TEC: variants seen among roughly 807,000 people sequenced by gnomAD.
The protein encoded by TEC is tec protein tyrosine kinase.
Under a neutral mutation model 93.0 loss-of-function variants are expected in TEC, and 72 were observed. That is an observed-to-expected ratio of 0.77 (90% CI 0.64 to 0.94). The LOEUF (loss-of-function observed/expected upper bound fraction) is 0.94, where lower values mean the gene tolerates loss of function less well. Among genes scored for constraint, TEC ranks in the 40% least tolerant of loss-of-function variants. The pLI is 0.00. For missense variants in TEC, 630 were observed against 757.9 expected, an observed-to-expected ratio of 0.83 and a Z score of 1.98; for synonymous variants, 249 against 247.7, an observed-to-expected ratio of 1.01 and a Z score of -0.05.
intron 9 of TEC, chr4:48,155,937 A>G (rs2109524337): frequency 6.6e-6 from 1 of 152,364 alleles, no homozygotes; most frequent in South Asian, 2.1e-4. Flanking sequence ...TGAGTAAAGT[A>G]TACTTTTGAG....
chr4:48,240,941 C>T (rs1334584296), intron 1 of TEC, among the ~76,000 whole-genome samples: 1 of 151,684 alleles, frequency 6.6e-6, no homozygotes, highest in Non-Finnish European at 1.5e-5. Flanking sequence ...CCATTACATA[C>T]CTGATCCCTA....
chr4:48,181,926 T>C (rs1443526684), intron 2 of TEC, among the ~76,000 whole-genome samples: 3 of 152,314 alleles, frequency 2.0e-5, no homozygotes, highest in Admixed American at 6.5e-5. Flanking sequence ...TAGACTATTC[T>C]TTAGAATTTC....
intron 8 of TEC, among the ~76,000 whole-genome samples, chr4:48,161,119 C>A (rs1355829423): frequency 6.6e-6 from 1 of 152,062 alleles, no homozygotes; most frequent in Non-Finnish European, 1.5e-5. Flanking sequence ...GGCATTTCAT[C>A]TTTTAACCCG....
chr4:48,166,250 C>T (rs989276184), intron 7 of TEC, among the ~76,000 whole-genome samples: 2 of 152,114 alleles, frequency 1.3e-5, no homozygotes, highest in African/African-American at 4.8e-5. Context: ...AGGTAGCCCC[C>T]CCAGAGCCAG....
intron 2 of TEC, among the ~76,000 whole-genome samples, chr4:48,188,012 G>A (rs964809690): frequency 6.6e-6 from 1 of 151,778 alleles, no homozygotes; most frequent in African/African-American, 2.4e-5. Context: ...CTTAAGTGAG[G>A]CCATAAGACT....
chr4:48,143,995 C>CACTTGGG (rs1719794182), intron 14 of TEC, among the ~76,000 whole-genome samples: 2 of 152,142 alleles, frequency 1.3e-5, no homozygotes, highest in Non-Finnish European at 2.9e-5. Context: ...GAGGCTGAGG[C>CACTTGGG]AGGCAGATTG....
intron 2 of TEC, among the ~76,000 whole-genome samples, chr4:48,197,987 C>T (rs2109590973): frequency 6.6e-6 from 1 of 152,328 alleles, no homozygotes; most frequent in South Asian, 2.1e-4. Context: ...CTGCCAATTC[C>T]CACATGCATT....
At chr4:48,152,500 A>T (rs1046619510) in intron 9 of TEC, among the ~76,000 whole-genome samples, 6 of 152,118 alleles carry the variant, frequency 3.9e-5, no homozygotes, top group African/African-American at 1.4e-4. Context: ...CAACCCACTT[A>T]TTTATCGAAA....
intron 14 of TEC, 134 bp downstream of exon 14, chr4:48,144,945 T>C: frequency 1.3e-6 from 1 of 753,162 alleles, no homozygotes; most frequent in South Asian, 1.7e-5. Flanking sequence ...CAAGTTAAAT[T>C]TACCAACTTT....
chr4:48,237,426 A>G (rs1442202048), intron 1 of TEC, among the ~76,000 whole-genome samples: 1 of 152,194 alleles, frequency 6.6e-6, no homozygotes, highest in Non-Finnish European at 1.5e-5. Flanking sequence ...TTTTAAGTCA[A>G]GAGAACAGAG....
Position 48,199,451 on chromosome 4 carries a change from CTTTCTT to C in TEC, c.139-23271_139-23266del, listed in dbSNP as rs1257235494. On this transcript the variant is annotated intron_variant, in intron 2 of 17. Coordinates refer to ENST00000381501, the MANE Select transcript of TEC (RefSeq NM_003215.3). ...CAGTCTGGGCTACAGAAAGGATTTT[CTTTCTT>C]TTTTTTTTTTTTTTTTTTTTTTTTT... is the stretch of plus-strand genomic sequence containing the variant. Among the ~76,000 whole-genome samples, 737 of 74,126 alleles carry C rather than the reference CTTTCTT, an allele frequency of 9.9e-3. 6 individuals are homozygous for C. The highest frequency in any genetic ancestry group is 0.017 in the Non-Finnish European group (595 of 35,396). The allele number at this position is 74,126 out of a possible 152,430, so 48.6% of individuals were successfully genotyped here.
At chr4:48,225,519 T>C (rs1003422851) in intron 2 of TEC, among the ~76,000 whole-genome samples, 2 of 151,926 alleles carry the variant, frequency 1.3e-5, no homozygotes, top group East Asian at 1.9e-4. Flanking sequence ...GATAGGGAGA[T>C]GGAAATCAGA....
At chr4:48,172,634 T>C (rs560427181) in intron 3 of TEC, among the ~76,000 whole-genome samples, 1 of 145,782 alleles carries the variant, frequency 6.9e-6, no homozygotes, top group African/African-American at 2.5e-5. Flanking sequence ...GTGAACACCA[T>C]AGAACAAATG....
In TEC at chr4:48,176,164, A is replaced by G. The variant is rs1320770850; in HGVS notation, c.161T>C (p.Ile54Thr). 4 of 1,612,500 alleles carry G rather than the reference A, an allele frequency of 2.5e-6. No homozygotes were observed. The highest frequency in any genetic ancestry group is 2.5e-6 in the Non-Finnish European group (3 of 1,178,880). ...RAEKKYRKGF[I>T]DVSKIKCVEI... is the part of the protein sequence containing the mutation. ...CACACACTTGATTTTTGAAACATCA[A>G]TAAACCCCTTTCTGTATTTCTTCTG... The change falls in exon 3 of 18, where the codon ATT becomes ACT. Residue 54 changes from isoleucine (I) to threonine (T), a missense_variant. By Grantham distance (89) the Ile-to-Thr change is moderately conservative (BLOSUM62 -1). This residue lies in a region of TEC where 335 missense variants were observed against 351.5 expected (regional missense o/e 0.95). Coordinates refer to ENST00000381501, the MANE Select transcript of TEC (RefSeq NM_003215.3).
intron 14 of TEC, among the ~76,000 whole-genome samples, chr4:48,142,402 G>A (rs1401000470): frequency 6.6e-6 from 1 of 152,134 alleles, no homozygotes; most frequent in African/African-American, 2.4e-5. Context: ...GAACCCATGA[G>A]GTGGAGGTTG....
At chr4:48,149,770 C>G in intron 10 of TEC, 80 bp from the exon 11 acceptor site, 1 of 1,404,798 alleles carries the variant, frequency 7.1e-7, no homozygotes, top group East Asian at 2.4e-5. Context: ...ACAAGGGCAA[C>G]CACAGTGTCT....
At position 48,138,892 on chromosome 4, in the gene TEC, CA is replaced by C. The variant is rs761600685; in HGVS notation, c.1654+11del. 7 of 1,613,972 alleles carry C rather than the reference CA, an allele frequency of 4.3e-6. No homozygotes were observed. Among genetic ancestry groups the C allele is most frequent in the Non-Finnish European group, 5.9e-6 (7 of 1,179,936 alleles). ...CTCAGGGCGGACGGACATGAGGAAA[CA>C]TGGATCTTACCAAATGACCAGACAT... is the stretch of plus-strand genomic sequence containing the variant. On this transcript the variant is annotated intron_variant, in intron 16 of 17. Transcript: ENST00000381501.
chr4:48,260,049 A>G (rs1015536990), intron 1 of TEC, among the ~76,000 whole-genome samples: 5 of 152,190 alleles, frequency 3.3e-5, no homozygotes, highest in African/African-American at 4.8e-5. Flanking sequence ...ATAGACATCC[A>G]ATAAGATGAA....
At chr4:48,159,244 C>A (rs1023180471) in intron 8 of TEC, among the ~76,000 whole-genome samples, 10 of 152,184 alleles carry the variant, frequency 6.6e-5, no homozygotes, top group Non-Finnish European at 1.2e-4. Flanking sequence ...CATGGTCCTG[C>A]AGGCTGTACA....
Sources: gnomAD v4.1 joint callset for allele counts (sites outside exome capture counted in the v4.1 genomes callset) on GRCh38, gnomAD v4.1.1 for gene constraint, gnomAD v4.1.1 regional missense constraint, MANE v1.5 for transcripts, NCBI Gene and HGNC (gene_info 2026-07-23, HGNC 2026-07-21) for gene names.